The following ATP6V1D variants were observed in gnomAD, a reference collection of about 807,000 sequenced individuals.
ATP6V1D encodes the protein V-type proton ATPase subunit D.
Under a neutral mutation model 39.4 loss-of-function variants are expected in ATP6V1D, and 20 were observed. That is an observed-to-expected ratio of 0.51 (90% CI 0.36 to 0.74). The LOEUF (loss-of-function observed/expected upper bound fraction) is 0.74, where lower values mean the gene tolerates loss of function less well. Ranked by LOEUF, ATP6V1D falls within the 30% of genes least tolerant of loss-of-function variation. The probability of loss-of-function intolerance (pLI) is 0.00; values close to 1 mark genes in which losing one functional copy is unlikely to be tolerated. For synonymous variants in ATP6V1D, 100 were observed against 100.5 expected (o/e 0.99, Z 0.03); for missense variants, 228 against 291.6 (o/e 0.78, Z 1.59).
chr14:67,340,485 T>C lies in ATP6V1D; in HGVS notation c.557A>G (p.Tyr186Cys). 1 of 1,613,640 alleles carries C rather than the reference T, an allele frequency of 6.2e-7. No individual in the cohort carries two copies. The highest frequency in any genetic ancestry group is 1.1e-5 in the South Asian group (1 of 91,078). Residue 186 changes from tyrosine to cysteine, a missense_variant, in exon 8 of 9, where the codon TAT (tyrosine) becomes TGT (cysteine). Around this residue, in one of 3 missense-constraint regions of ATP6V1D, gnomAD observed 114 missense variants for 128.3 expected, o/e 0.89. Coordinates refer to ENST00000216442, the MANE Select transcript of ATP6V1D (RefSeq NM_015994.4). ...TCTCTCATCCAGCTCTGTGATGATATAAGCAAGAGTACGTTCAATCCGGGG... is the reference window on the plus strand; with the variant it reads ...TCTCTCATCCAGCTCTGTGATGATACAAGCAAGAGTACGTTCAATCCGGGG... Reference protein sequence around the residue: ...IIPRIERTLAYIITELDERER... With the variant: ...IIPRIERTLACIITELDERER...
Position 67,359,777 on chromosome 14 carries a change from TC to T in ATP6V1D, c.-80del. ...AGCTCCAGAACTGGCCTCCACAGTG[TC>T]TTCCTCTACGGGAGTCAGCTGGTTG... is the stretch of plus-strand genomic sequence containing the variant. On this transcript the variant is annotated 5_prime_UTR_variant, in exon 1 of 9. Transcript: ENST00000216442. 6.5e-7 allele frequency: 1 copy of T among 1,543,442 alleles called. No homozygotes were observed. The highest frequency in any genetic ancestry group is 8.9e-7 in the Non-Finnish European group (1 of 1,121,234).
chr14:67,359,676 T>C lies in ATP6V1D; in HGVS notation c.23A>G (p.Glu8Gly), dbSNP rs1291458422. The C allele has an allele frequency of 1.9e-6, 3 of 1,614,008 alleles. No homozygotes were observed. Among genetic ancestry groups the C allele is most frequent in the Admixed American group, 1.7e-5 (1 of 60,016 alleles). ...TACTTACATTCGCGAGGGAAAGATT[T>C]CAATTCGGTCTTTGCCCGACATTCT... MSGKDRI[E>G]IFPSRMAQTI... Residue 8 changes from glutamate (E) to glycine (G), a missense_variant, in exon 1 of 9, where the codon GAA (glutamate) becomes GGA (glycine). Around this residue, in one of 3 missense-constraint regions of ATP6V1D, gnomAD observed 104 missense variants for 120.2 expected, o/e 0.87. Transcript: ENST00000216442.
At chr14:67,356,161 T>C (rs766634677) in intron 1 of ATP6V1D, among the ~76,000 whole-genome samples, 1 of 152,150 alleles carries the variant, frequency 6.6e-6, no homozygotes, top group African/African-American at 2.4e-5. Context: ...GGCTCACACC[T>C]GTAATACCAA....
At chr14:67,348,434 T>C (rs140228847) in intron 4 of ATP6V1D, among the ~76,000 whole-genome samples, 2,922 of 151,414 alleles carry the variant, frequency 0.019, 40 homozygotes, top group Non-Finnish European at 0.028. Flanking sequence ...CTCGAACTCC[T>C]GACCTTGTGA....
chr14:67,339,438 T>C (rs1261073342), intron 8 of ATP6V1D, among the ~76,000 whole-genome samples: 1 of 152,152 alleles, frequency 6.6e-6, no homozygotes, highest in African/African-American at 2.4e-5. Flanking sequence ...ATAATTAAGA[T>C]TATAGACCAT....
intron 5 of ATP6V1D, 28 bp downstream of exon 5, chr14:67,347,381 A>C: frequency 6.4e-7 from 1 of 1,560,660 alleles, no homozygotes; most frequent in East Asian, 2.2e-5. Flanking sequence ...CCAGAGACAC[A>C]AAGTAATACA....
chr14:67,341,529 C>A (rs1228788685), intron 7 of ATP6V1D, among the ~76,000 whole-genome samples: 1 of 151,074 alleles, frequency 6.6e-6, no homozygotes, highest in African/African-American at 2.4e-5. Flanking sequence ...GTCAGCCCCC[C>A]GCCTGGCCAG....
chr14:67,340,527 A>T lies in ATP6V1D; in HGVS notation c.524-9T>A, dbSNP rs773943765. 3.9e-6 allele frequency: 5 copies of T among 1,290,596 alleles called. No homozygotes were observed. The African/African-American group carries it at 2.1e-4, about 53-fold the overall frequency. 79.9% of individuals were successfully genotyped at this position (1,290,596 alleles called of 1,614,324 possible). On this transcript the variant is annotated splice_polypyrimidine_tract_variant and intron_variant, in intron 7 of 8. Coordinates refer to ENST00000216442, the MANE Select transcript of ATP6V1D (RefSeq NM_015994.4). The stretch of plus-strand genomic sequence containing the variant: ...AATCCGGGGAATGATGACTAGAATA[A>T]AAAAAAAAATAATATGTGTGAGAAC...
At chr14:67,343,546 C>A (rs2085600864) in intron 6 of ATP6V1D, 108 bp from the exon 7 acceptor site, 1 of 822,438 alleles carries the variant, frequency 1.2e-6, no homozygotes, top group Non-Finnish European at 1.9e-6. Flanking sequence ...AGAACCAAGA[C>A]AACTTCTTTT....
chr14:67,342,557 C>CT (rs767148771), intron 7 of ATP6V1D, among the ~76,000 whole-genome samples: 9,933 of 136,898 alleles, frequency 0.073, 427 homozygotes, highest in Non-Finnish European at 0.1. Context: ...ACGAATTATC[C>CT]TTTTTTTTTT....
intron 4 of ATP6V1D, 109 bp from the exon 5 acceptor site, chr14:67,347,562 C>T (rs1348909629): frequency 7.7e-6 from 7 of 910,444 alleles, no homozygotes; most frequent in African/African-American, 3.5e-5. Context: ...AATGCAATGG[C>T]GTGATCTCGC....
At chr14:67,348,966 G>T in intron 4 of ATP6V1D, 71 bp downstream of exon 4, 1 of 1,420,946 alleles carries the variant, frequency 7.0e-7, no homozygotes, top group Non-Finnish European at 9.9e-7. Context: ...AGATCTTGCT[G>T]TATAAACAGG....
At chr14:67,347,547 G>A in intron 4 of ATP6V1D, 94 bp from the exon 5 acceptor site, 1 of 1,115,722 alleles carries the variant, frequency 9.0e-7, no homozygotes, top group South Asian at 1.4e-5. Context: ...TGTCGCCGAG[G>A]CTGGAATGCA....
chr14:67,350,562 A>G (rs1456551291), intron 3 of ATP6V1D, 49 bp downstream of exon 3: 1 of 1,486,776 alleles, frequency 6.7e-7, no homozygotes, highest in East Asian at 2.3e-5. Flanking sequence ...AAATTATGAG[A>G]CTGAAATCAC....
intron 2 of ATP6V1D, among the ~76,000 whole-genome samples, chr14:67,351,382 CAAAAGA>C (rs1214183640): frequency 6.6e-6 from 1 of 152,108 alleles, no homozygotes; most frequent in East Asian, 1.9e-4. Context: ...TGTAAAGCAA[CAAAAGA>C]AAATGTGGCA....
intron 4 of ATP6V1D, among the ~76,000 whole-genome samples, chr14:67,348,008 G>A (rs962059529): frequency 6.6e-6 from 1 of 151,816 alleles, no homozygotes; most frequent in Non-Finnish European, 1.5e-5. Context: ...CGCCTCCTGG[G>A]GTCAAGTGAT....
rs1265699471 is a variant in ATP6V1D at position 67,350,677 on chromosome 14, A to G, written c.173T>C (p.Met58Thr). 1 of 1,613,432 alleles carries G rather than the reference A, an allele frequency of 6.2e-7. No homozygotes were observed. The highest frequency in any genetic ancestry group is 1.1e-5 in the South Asian group (1 of 90,992). Residue 58 changes from methionine to threonine, a missense_variant, in exon 3 of 9, where the codon ATG (methionine) becomes ACG (threonine). By Grantham distance (81) the Met-to-Thr change is moderately conservative. This residue lies in a region of ATP6V1D where 104 missense variants were observed against 120.2 expected (regional missense o/e 0.87). Coordinates refer to ENST00000216442, the MANE Select transcript of ATP6V1D (RefSeq NM_015994.4). ...GGCAGCTTCTCTCATCACTTCGCCC[A>G]TCAACATTTTAGTCTGGAAAAGCAT... is the stretch of plus-strand genomic sequence containing the variant. ...LKKIIETKML[M>T]GEVMREAAFS...
intron 6 of ATP6V1D, among the ~76,000 whole-genome samples, chr14:67,343,693 TG>T (rs1441219758): frequency 2.0e-5 from 3 of 152,270 alleles, no homozygotes; most frequent in Admixed American, 2.0e-4. Context: ...AATGAGACCT[TG>T]CCTCTACAAG....
At chr14:67,340,091 C>A (rs755162765) in intron 8 of ATP6V1D, 3 of 168,846 alleles carry the variant, frequency 1.8e-5, no homozygotes, top group Non-Finnish European at 3.8e-5. Flanking sequence ...GTAATGAGTT[C>A]TCTCTATTAC....
Sources: allele counts gnomAD v4.1 joint callset (sites outside exome capture counted in the v4.1 genomes callset), GRCh38; gene constraint gnomAD v4.1.1; regional missense constraint gnomAD v4.1.1; transcripts MANE v1.5; gene names NCBI Gene and HGNC (gene_info 2026-07-23, HGNC 2026-07-21).